The following CDC42BPA variants were observed in gnomAD, a reference collection of about 807,000 sequenced individuals.
CDC42BPA encodes CDC42 binding protein kinase alpha, also known as serine/threonine-protein kinase MRCK alpha.
CDC42BPA carries 80 observed loss-of-function variants against 223.5 expected under a neutral mutation model. The ratio of observed to expected loss-of-function variants is 0.36; its 90% CI spans 0.30 to 0.43. CDC42BPA has a LOEUF of 0.43. CDC42BPA is among the 20% of genes least tolerant of loss of function. CDC42BPA has a pLI of 1.00. For missense variants in CDC42BPA, 1,743 were observed against 2,099.9 expected (o/e 0.83, Z 3.32); for synonymous variants, 694 against 718.6 (o/e 0.97, Z 0.55).
rs1236445703 is a variant in CDC42BPA at position 226,993,555 on chromosome 1, G to GCT, written c.*711_*712dup. 6.6e-6 allele frequency: 1 copy of GCT among 152,502 alleles called. No individual in the cohort carries two copies. 9.4% of individuals were successfully genotyped at this position (152,502 alleles called of 1,614,324 possible). A position where few individuals can be genotyped will look rare whatever the true frequency, so the allele number is the denominator to read the frequency against. On this transcript the variant is annotated 3_prime_UTR_variant, in exon 37 of 37. Coordinates refer to ENST00000366766, the MANE Select transcript of CDC42BPA (RefSeq NM_001394014.1). ...AATAAAGGGAACTCTGATTTCTCTC[G>GCT]CTCTCTCTCTACAAATGTGAGCTTG... is the stretch of plus-strand genomic sequence containing the variant.
At chr1:227,001,525 T>C (rs544758603) in intron 35 of CDC42BPA, among the ~76,000 whole-genome samples, 50 of 152,220 alleles carry the variant, frequency 3.3e-4, no homozygotes, top group Non-Finnish European at 6.2e-4. Flanking sequence ...TTAGGGCCTA[T>C]CTTTATCTGC....
At chr1:227,139,235 T>A (rs192353640) in intron 10 of CDC42BPA, among the ~76,000 whole-genome samples, 1 of 152,102 alleles carries the variant, frequency 6.6e-6, no homozygotes, top group South Asian at 2.1e-4. Context: ...TGAAAGGAGC[T>A]AGAGCTCTTA....
chr1:227,290,859 A>G (rs1031085161), intron 1 of CDC42BPA, among the ~76,000 whole-genome samples: 1 of 152,212 alleles, frequency 6.6e-6, no homozygotes, highest in African/African-American at 2.4e-5. Flanking sequence ...GGGGAAACAC[A>G]AAGTATAGCA....
chr1:227,171,429 T>C (rs1666078422), intron 5 of CDC42BPA, among the ~76,000 whole-genome samples: 1 of 152,170 alleles, frequency 6.6e-6, no homozygotes, highest in Non-Finnish European at 1.5e-5. Context: ...ATGACCAGCG[T>C]GAGCAACCTC....
At chr1:227,172,622 T>C (rs1204738585) in intron 5 of CDC42BPA, among the ~76,000 whole-genome samples, 1 of 152,138 alleles carries the variant, frequency 6.6e-6, no homozygotes, top group Non-Finnish European at 1.5e-5. Context: ...CACTGCCCAC[T>C]GAGACGGAAG....
chr1:227,201,420 G>A (rs1671736889), intron 3 of CDC42BPA, among the ~76,000 whole-genome samples: 1 of 152,000 alleles, frequency 6.6e-6, no homozygotes, highest in Admixed American at 6.6e-5. Context: ...TAGGACTACA[G>A]GCATGAGCTA....
chr1:227,129,170 G>C lies in CDC42BPA; in HGVS notation c.1452C>G (p.Ser484Arg). The change falls in exon 11 of 37, where the codon AGC becomes AGG. Residue 484 changes from serine to arginine, a missense_variant. Physicochemically the swap from Ser to Arg is moderately radical, Grantham distance 110. Around this residue, in one of 6 missense-constraint regions of CDC42BPA, gnomAD observed 464 missense variants for 488.0 expected, o/e 0.95. Coordinates refer to ENST00000366766, the MANE Select transcript of CDC42BPA (RefSeq NM_001394014.1). ...YSTVDGPLTA[S>R]KDLEIKNLKE... is the part of the protein sequence containing the mutation. ...TTAAGTTTTTTATTTCTAAATCTTT[G>C]CTTGCTGTTAGTGGACCATCAACAG... The C allele has an allele frequency of 6.4e-7, 1 of 1,570,770 alleles. No individual in the cohort carries two copies. Among genetic ancestry groups the C allele is most frequent in the Non-Finnish European group, 8.7e-7 (1 of 1,144,748 alleles).
At chr1:227,303,007 GT>G (rs201889285) in intron 1 of CDC42BPA, among the ~76,000 whole-genome samples, 35,216 of 134,932 alleles carry the variant, frequency 0.26, 4,476 homozygotes, top group East Asian at 0.38. Flanking sequence ...GTTTTTTTGG[GT>G]TTTTTTTTTT....
chr1:227,117,821 A>G (rs1688010218), intron 12 of CDC42BPA, among the ~76,000 whole-genome samples: 1 of 152,160 alleles, frequency 6.6e-6, no homozygotes, highest in South Asian at 2.1e-4. Flanking sequence ...TTTTAATAAA[A>G]AGATTCCTAA....
chr1:227,268,657 T>G (rs1685452300), intron 1 of CDC42BPA, among the ~76,000 whole-genome samples: 1 of 147,602 alleles, frequency 6.8e-6, no homozygotes, highest in Non-Finnish European at 1.5e-5. Flanking sequence ...TGTGTGTATA[T>G]ATATATATAC....
At chr1:227,255,487 A>G (rs1160624564) in intron 1 of CDC42BPA, among the ~76,000 whole-genome samples, 2 of 151,374 alleles carry the variant, frequency 1.3e-5, no homozygotes, top group South Asian at 2.1e-4. Context: ...ACAACAGAGA[A>G]GAGAAAGAGA....
chr1:227,016,920 T>C lies in CDC42BPA; in HGVS notation c.4739+7A>G. 1.9e-6 allele frequency: 3 copies of C among 1,609,986 alleles called. No individual in the cohort carries two copies. Among genetic ancestry groups the C allele is most frequent in the East Asian group, 2.2e-5 (1 of 44,744 alleles). ...AGCATGGATGATACTACAGGTTAAG[T>C]ATCTACCTCCTCTGCTGCATCCTTT... is the stretch of plus-strand genomic sequence containing the variant. On this transcript the variant is annotated splice_region_variant and intron_variant, in intron 33 of 36. Transcript: ENST00000366766.
At chr1:227,312,857 C>T (rs576824731) in intron 1 of CDC42BPA, among the ~76,000 whole-genome samples, 3 of 152,214 alleles carry the variant, frequency 2.0e-5, no homozygotes, top group African/African-American at 7.2e-5. Context: ...AGCATCTCCC[C>T]CTTCTCTCTC....
intron 21 of CDC42BPA, chr1:227,068,402 T>C (rs1452377448): frequency 6.3e-6 from 1 of 158,088 alleles, no homozygotes; most frequent in African/African-American, 2.4e-5. Flanking sequence ...AGTTTTAGAA[T>C]TCTTACAAAG....
At chr1:227,121,374 T>C (rs1688646248) in intron 11 of CDC42BPA, among the ~76,000 whole-genome samples, 1 of 152,234 alleles carries the variant, frequency 6.6e-6, no homozygotes. Context: ...AATTCACTTG[T>C]GTAGATGAAT....
At chr1:227,064,038 CTTGCTTT>C (rs1475332704) in intron 21 of CDC42BPA, among the ~76,000 whole-genome samples, 1 of 152,128 alleles carries the variant, frequency 6.6e-6, no homozygotes, top group East Asian at 1.9e-4. Context: ...TGTCAGACTA[CTTGCTTT>C]TCTTATATGC....
Position 227,306,881 on chromosome 1 carries a change from G to A in CDC42BPA, c.178+10124C>T, listed in dbSNP as rs1692650175. ...AGTAGATGCTTGAGTGCTTTTAATA[G>A]TATCTGAGTCAACTTGGGGCATTGC... On this transcript the variant is annotated intron_variant, in intron 1 of 36. Coordinates refer to ENST00000366766, the MANE Select transcript of CDC42BPA (RefSeq NM_001394014.1). Among the ~76,000 whole-genome samples, 3 of 152,142 alleles carry A rather than the reference G, an allele frequency of 2.0e-5. No homozygotes were observed. The South Asian group carries it at 6.2e-4, about 32-fold the overall frequency.
intron 5 of CDC42BPA, among the ~76,000 whole-genome samples, chr1:227,173,144 T>G (rs1666376113): frequency 6.6e-6 from 1 of 152,238 alleles, no homozygotes; most frequent in South Asian, 2.1e-4. Context: ...AATGGCTTTA[T>G]AGGATAGACC....
At chr1:227,073,418 G>T (rs1168231760) in intron 19 of CDC42BPA, among the ~76,000 whole-genome samples, 1 of 151,938 alleles carries the variant, frequency 6.6e-6, no homozygotes, top group East Asian at 1.9e-4. Context: ...ATACTTAAAA[G>T]ATATTATATC....
Sources: gnomAD v4.1 joint callset for allele counts (sites outside exome capture counted in the v4.1 genomes callset) on GRCh38, gnomAD v4.1.1 for gene constraint, gnomAD v4.1.1 regional missense constraint, MANE v1.5 for transcripts, NCBI Gene and HGNC (gene_info 2026-07-23, HGNC 2026-07-21) for gene names.